Variants in GOLM1 observed in about 807,000 individuals in gnomAD.
GOLM1 encodes epididymis luminal protein 46.
In GOLM1, 31 loss-of-function variants were observed where a neutral mutation model predicts 50.5. The observed-to-expected ratio is 0.61, with a 90% CI of 0.46 to 0.83. The LOEUF (loss-of-function observed/expected upper bound fraction) is 0.83, where lower values mean the gene tolerates loss of function less well. Among genes scored for constraint, GOLM1 ranks in the 40% least tolerant of loss-of-function variants. The pLI is 0.00. For missense variants in GOLM1, 491 were observed against 501.3 expected, an observed-to-expected ratio of 0.98 and a Z score of 0.20; for synonymous variants, 178 against 192.8, an observed-to-expected ratio of 0.92 and a Z score of 0.64.
intron 3 of GOLM1, among the ~76,000 whole-genome samples, chr9:86,063,475 A>C (rs1302322458): frequency 6.6e-6 from 1 of 152,238 alleles, no homozygotes; most frequent in Admixed American, 6.5e-5. Flanking sequence ...GGGATGAAAG[A>C]GAAACTAAAA....
intron 4 of GOLM1, among the ~76,000 whole-genome samples, chr9:86,047,372 C>G (rs1349478427): frequency 4.6e-5 from 7 of 152,208 alleles, no homozygotes; most frequent in Non-Finnish European, 8.8e-5. Context: ...ACTAGACCTA[C>G]AATAGTCTCA....
chr9:86,074,757 C>T (rs1322277187), intron 3 of GOLM1, among the ~76,000 whole-genome samples: 1 of 152,208 alleles, frequency 6.6e-6, no homozygotes, highest in African/African-American at 2.4e-5. Context: ...CAAGCACAGG[C>T]TCAGGAAACG....
intron 3 of GOLM1, among the ~76,000 whole-genome samples, chr9:86,056,702 C>T (rs556744067): frequency 6.6e-6 from 1 of 152,070 alleles, no homozygotes; most frequent in Admixed American, 6.6e-5. Flanking sequence ...GACAGGGTTT[C>T]ACCATGTTGG....
At chr9:86,047,029 C>T (rs1364337410) in intron 4 of GOLM1, among the ~76,000 whole-genome samples, 1 of 152,190 alleles carries the variant, frequency 6.6e-6, no homozygotes, top group African/African-American at 2.4e-5. Context: ...GCTGGACACC[C>T]TGCCCTCGGC....
intron 3 of GOLM1, among the ~76,000 whole-genome samples, chr9:86,059,243 A>T (rs1040994728): frequency 6.6e-6 from 1 of 152,230 alleles, no homozygotes; most frequent in Non-Finnish European, 1.5e-5. Context: ...ACCTGTCCAC[A>T]AATGCTCACA....
chr9:86,062,629 G>A (rs1430254373), intron 3 of GOLM1, among the ~76,000 whole-genome samples: 3 of 150,012 alleles, frequency 2.0e-5, no homozygotes, highest in Non-Finnish European at 4.4e-5. Flanking sequence ...GATGGAGGGA[G>A]GAAAAGGACA....
chr9:86,083,148 G>A (rs1211150018), intron 1 of GOLM1, among the ~76,000 whole-genome samples: 1 of 152,056 alleles, frequency 6.6e-6, no homozygotes, highest in East Asian at 1.9e-4. Flanking sequence ...TTGGTTCCAG[G>A]ACCCCCTGAG....
chr9:86,038,169 A>G (rs77225217), intron 6 of GOLM1, among the ~76,000 whole-genome samples: 2,192 of 151,546 alleles, frequency 0.014, 50 homozygotes, highest in African/African-American at 0.05. Flanking sequence ...AGAAAAAAAA[A>G]AAAAAGAAAA....
intron 3 of GOLM1, among the ~76,000 whole-genome samples, chr9:86,059,750 C>T (rs1262064979): frequency 2.0e-5 from 3 of 151,796 alleles, no homozygotes; most frequent in African/African-American, 7.3e-5. Context: ...CAAAAATTAG[C>T]TGGGCATGGT....
intron 5 of GOLM1, among the ~76,000 whole-genome samples, chr9:86,041,363 T>C (rs369082676): frequency 2.4e-4 from 36 of 152,262 alleles, no homozygotes; most frequent in African/African-American, 7.0e-4. Context: ...AAGTTGGAAC[T>C]TTCAGCTCCA....
intron 1 of GOLM1, among the ~76,000 whole-genome samples, chr9:86,097,056 G>A (rs1469979191): frequency 7.3e-6 from 1 of 137,468 alleles, no homozygotes; most frequent in Admixed American, 7.7e-5. Context: ...AAAAATCTGA[G>A]AAGGCATGGA....
rs1564342741 is a variant in GOLM1 at position 86,040,815 on chromosome 9, A to G, written c.521T>C (p.Ile174Thr). The G allele has an allele frequency of 9.3e-6, 15 of 1,613,774 alleles. No individual in the cohort carries two copies. The highest frequency in any genetic ancestry group is 1.3e-5 in the Non-Finnish European group (15 of 1,179,688). ...KEVKEQCEER[I>T]EEVTKKGNEA... ...ATTCCCCTTTTTGGTGACCTCTTCT[A>G]TTCGCTCCTCACACTGTTCCTTCAC... The change falls in exon 6 of 10, where the codon ATA becomes ACA. Residue 174 changes from isoleucine (I) to threonine (T), a missense_variant. Transcript: ENST00000388712.
intron 1 of GOLM1, among the ~76,000 whole-genome samples, chr9:86,083,208 A>G (rs1271801574): frequency 8.5e-5 from 13 of 152,248 alleles, no homozygotes; most frequent in Non-Finnish European, 1.5e-5. Flanking sequence ...ATGGCATACT[A>G]TGTGAATCCA....
chr9:86,099,347 C>CA (rs1219046675), intron 1 of GOLM1, 64 bp downstream of exon 1: 1 of 151,658 alleles, frequency 6.6e-6, no homozygotes, highest in Non-Finnish European at 1.5e-5. Flanking sequence ...GGGCCCTGGG[C>CA]AAAGGAGGGA....
chr9:86,032,711 G>T (rs1348204672), intron 9 of GOLM1, among the ~76,000 whole-genome samples: 1 of 152,144 alleles, frequency 6.6e-6, no homozygotes, highest in African/African-American at 2.4e-5. Context: ...CTGAGACCTT[G>T]TGGGCACCAT....
Position 86,094,601 on chromosome 9 carries a change from T to C in GOLM1, c.-22+4810A>G, listed in dbSNP as rs138588396. Reference sequence around the variant, plus strand: ...CTAGGGAACCAAATTCTTCCTGTTTTGAAATTTTCTGAAGAAAGGTTGAAC... The same window carrying C: ...CTAGGGAACCAAATTCTTCCTGTTTCGAAATTTTCTGAAGAAAGGTTGAAC... On this transcript the variant is annotated intron_variant, in intron 1 of 9. Coordinates refer to ENST00000388712, the MANE Select transcript of GOLM1 (RefSeq NM_016548.4). Among the ~76,000 whole-genome samples, 1,061 of 152,274 alleles carry C rather than the reference T, an allele frequency of 7.0e-3. 9 individuals carry two copies. The highest frequency in any genetic ancestry group is 0.022 in the African/African-American group (926 of 41,542).
At chr9:86,028,973 C>T (rs531606767) in intron 9 of GOLM1, among the ~76,000 whole-genome samples, 4 of 151,992 alleles carry the variant, frequency 2.6e-5, no homozygotes, top group Non-Finnish European at 4.4e-5. Flanking sequence ...CTAAGCTTCC[C>T]GAGTAGCTGG....
chr9:86,047,503 AGCT>A (rs1833588643), intron 4 of GOLM1, among the ~76,000 whole-genome samples: 1 of 152,036 alleles, frequency 6.6e-6, no homozygotes, highest in Admixed American at 6.6e-5. Context: ...CGAAGAGAAC[AGCT>A]GGGTGGGTGC....
intron 3 of GOLM1, among the ~76,000 whole-genome samples, chr9:86,073,907 A>T (rs1477337662): frequency 6.6e-6 from 1 of 152,218 alleles, no homozygotes; most frequent in Non-Finnish European, 1.5e-5. Context: ...AAATTCTATC[A>T]GACAGGGCCT....
Sources: gnomAD v4.1 joint callset for allele counts (sites outside exome capture counted in the v4.1 genomes callset) on GRCh38, gnomAD v4.1.1 for gene constraint, MANE v1.5 for transcripts, NCBI Gene and HGNC (gene_info 2026-07-23, HGNC 2026-07-21) for gene names.